ENO2: variants seen among roughly 807,000 people sequenced by gnomAD.
The protein encoded by ENO2 is gamma-enolase.
A neutral mutation model predicts 48.7 loss-of-function variants in ENO2; 19 were observed. That is an observed-to-expected ratio of 0.39 (90% CI 0.27 to 0.57). ENO2 has a LOEUF of 0.57. Among genes scored for constraint, ENO2 ranks in the 20% least tolerant of loss-of-function variants. The probability of loss-of-function intolerance (pLI) is 0.58; values close to 1 mark genes in which losing one functional copy is unlikely to be tolerated. For missense variants in ENO2, 416 were observed against 555.0 expected, an observed-to-expected ratio of 0.75 and a Z score of 2.52; for synonymous variants, 198 against 213.4, an observed-to-expected ratio of 0.93 and a Z score of 0.63.
At chr12:6,918,750 G>A (rs1416220950) in intron 7 of ENO2, among the ~76,000 whole-genome samples, 1 of 151,016 alleles carries the variant, frequency 6.6e-6, no homozygotes, top group African/African-American at 2.4e-5. Context: ...GGGAGGCTGA[G>A]GCGGGTGGAT....
chr12:6,921,699 T>G lies in ENO2; in HGVS notation c.984T>G (p.Ile328Met). ...DDLTVTNPKR[I>M]ERAVEEKACN... ...TGACAGTGACCAACCCAAAACGTAT[T>G]GAGCGGGCAGTGGAAGAAAAGGCCT... Residue 328 changes from isoleucine (I) to methionine (M), a missense_variant, in exon 9 of 12, where the codon ATT (isoleucine) becomes ATG (methionine). Transcript: ENST00000229277. The G allele has an allele frequency of 6.2e-7, 1 of 1,614,158 alleles. No homozygotes were observed. Among genetic ancestry groups the G allele is most frequent in the Non-Finnish European group, 8.5e-7 (1 of 1,180,034 alleles).
In ENO2 at chr12:6,914,701, CT is replaced by C. The variant is rs1189431090; in HGVS notation, c.-13+44del. ...GCCCAGAGCCCCTGTGGCCCCCTCCCTTCGCCGCGGCGCCCCTGCCTCCTTT... is the reference window on the plus strand; with the variant it reads ...GCCCAGAGCCCCTGTGGCCCCCTCCCTCGCCGCGGCGCCCCTGCCTCCTTT... On this transcript the variant is annotated intron_variant, in intron 1 of 11. Transcript: ENST00000229277. This position sits in a 1 kb window ranked among gnomAD's most constrained non-coding sequence, Gnocchi z 7.1. 2 of 155,160 alleles carry C rather than the reference CT, an allele frequency of 1.3e-5. No individual in the cohort carries two copies. The highest frequency in any genetic ancestry group is 2.9e-5 in the Non-Finnish European group (2 of 69,574). 9.6% of individuals were successfully genotyped at this position (155,160 alleles called of 1,614,324 possible). A position where few individuals can be genotyped will look rare whatever the true frequency, so the allele number is the denominator to read the frequency against.
At chr12:6,919,870 A>T in intron 8 of ENO2, 107 bp downstream of exon 8, 1 of 1,229,172 alleles carries the variant, frequency 8.1e-7, no homozygotes, top group South Asian at 1.4e-5. Context: ...GGGGTGTCCT[A>T]AGAAGAACCT....
intron 1 of ENO2, chr12:6,915,558 C>G: frequency 1.1e-5 from 5 of 460,474 alleles, no homozygotes; most frequent in East Asian, 7.5e-5. Context: ...CTGCAGTGTT[C>G]TCCCATCTCA....
intron 1 of ENO2, chr12:6,915,587 C>T (rs1283424457): frequency 1.9e-6 from 1 of 531,694 alleles, no homozygotes; most frequent in South Asian, 2.2e-5. Context: ...TCTTACCCCG[C>T]CCCCCACTGC....
At chr12:6,919,265 C>T (rs1945319107) in intron 7 of ENO2, among the ~76,000 whole-genome samples, 1 of 152,202 alleles carries the variant, frequency 6.6e-6, no homozygotes, top group South Asian at 2.1e-4. Flanking sequence ...TCTTACTTCT[C>T]TCTGGAAATA....
rs1256149059 is a variant in ENO2, at chr12:6,923,563, C to G, written c.*763C>G. On this transcript the variant is annotated 3_prime_UTR_variant, in exon 12 of 12. Transcript: ENST00000229277. ...TGGGGGAGTTTTCCTCTATACATCTCTCCCCAACCCTAGGTTCCCTGTTCT... is the reference window on the plus strand; with the variant it reads ...TGGGGGAGTTTTCCTCTATACATCTGTCCCCAACCCTAGGTTCCCTGTTCT... The G allele has an allele frequency of 6.6e-6, 1 of 152,262 alleles. No individual in the cohort carries two copies. The highest frequency in any genetic ancestry group is 6.5e-5 in the Admixed American group (1 of 15,278). The allele number at this position is 152,262 out of a possible 1,614,324, so 9.4% of individuals were successfully genotyped here.
intron 7 of ENO2, among the ~76,000 whole-genome samples, chr12:6,918,708 G>A (rs1218520670): frequency 6.6e-6 from 1 of 151,070 alleles, no homozygotes; most frequent in Non-Finnish European, 1.5e-5. Context: ...AAGGCCGGGC[G>A]CGGTGGCTCA....
At position 6,916,557 on chromosome 12, in the gene ENO2, A is replaced by G; in HGVS notation, c.181+45A>G. On this transcript the variant is annotated intron_variant, in intron 3 of 11. Transcript: ENST00000229277. This position sits in a 1 kb window ranked among gnomAD's most constrained non-coding sequence, Gnocchi z 4.5. ...CCAGACTCTCCCCCACCTCAGCCTT[A>G]TGCCCCTACCTCACACCAGTCCCCA... 1 of 1,612,640 alleles carries G rather than the reference A, an allele frequency of 6.2e-7. No individual in the cohort carries two copies. Among genetic ancestry groups the G allele is most frequent in the Non-Finnish European group, 8.5e-7 (1 of 1,178,984 alleles).
chr12:6,916,471 T>C lies in ENO2; in HGVS notation c.140T>C (p.Leu47Pro), dbSNP rs782498815. 1 of 1,614,110 alleles carries C rather than the reference T, an allele frequency of 6.2e-7. No homozygotes were observed. Among genetic ancestry groups the C allele is most frequent in the Admixed American group, 1.7e-5 (1 of 60,004 alleles). ...GCCTCTACGGGCATCTATGAGGCCC[T>C]GGAGCTGAGGGATGGAGACAAACAG... ...SGASTGIYEALELRDGDKQRY... is the reference protein window; with the variant it reads ...SGASTGIYEAPELRDGDKQRY... The change falls in exon 3 of 12, where the codon CTG becomes CCG. Residue 47 changes from leucine (L) to proline (P), a missense_variant. Transcript: ENST00000229277. This position sits in a 1 kb window ranked among gnomAD's most constrained non-coding sequence, Gnocchi z 4.5.
intron 5 of ENO2, 178 bp from the exon 6 acceptor site, chr12:6,917,400 TCCC>T: frequency 1.2e-6 from 1 of 867,068 alleles, no homozygotes; most frequent in Non-Finnish European, 1.7e-6. Flanking sequence ...AATCTCCTCC[TCCC>T]CACCCATTCC....
In ENO2 at chr12:6,921,947, C is replaced by G. The variant is rs1227517137; in HGVS notation, c.1068-109C>G. The stretch of plus-strand genomic sequence containing the variant: ...CCCTCCACCCCTGATTCTCTGCTCC[C>G]CTCCCAGATAGCTTTCCCCTAGATG... On this transcript the variant is annotated intron_variant, in intron 9 of 11. Coordinates refer to ENST00000229277, the MANE Select transcript of ENO2 (RefSeq NM_001975.3). 3 of 1,530,616 alleles carry G rather than the reference C, an allele frequency of 2.0e-6. No individual in the cohort carries two copies. The Admixed American group carries it at 5.1e-5, about 26-fold the overall frequency. The allele number at this position is 1,530,616 out of a possible 1,614,324, so 94.8% of individuals were successfully genotyped here. A position where few individuals can be genotyped will look rare whatever the true frequency, so the allele number is the denominator to read the frequency against.
intron 5 of ENO2, 22 bp downstream of exon 5, chr12:6,917,129 G>A (rs1555141684): frequency 6.2e-7 from 1 of 1,613,850 alleles, no homozygotes; most frequent in Middle Eastern, 1.6e-4. Flanking sequence ...CCGGGAGAAA[G>A]TGGGGAAGCG....
chr12:6,921,501 T>C (rs1207255578), intron 8 of ENO2, 80 bp from the exon 9 acceptor site: 4 of 1,437,368 alleles, frequency 2.8e-6, no homozygotes, highest in African/African-American at 1.4e-5. Flanking sequence ...TTTCAGGGAA[T>C]AAAGGGGCAT....
In ENO2 at chr12:6,916,948, C is replaced by A; in HGVS notation, c.241-90C>A. The A allele has an allele frequency of 6.3e-7, 1 of 1,575,770 alleles. No homozygotes were observed. The highest frequency in any genetic ancestry group is 1.1e-5 in the South Asian group (1 of 89,990). ...CACAGGGACCTGGTTGGACCCTGGC[C>A]AAATGTGAGCTTGGGTGTGAATGAG... On this transcript the variant is annotated intron_variant, in intron 4 of 11. Coordinates refer to ENST00000229277, the MANE Select transcript of ENO2 (RefSeq NM_001975.3). The surrounding 1 kb of genome is among the most constrained non-coding windows in gnomAD (Gnocchi z 4.5).
chr12:6,914,686 C>T lies in ENO2; in HGVS notation c.-13+27C>T, dbSNP rs1375166295. 6.4e-6 allele frequency: 1 copy of T among 155,682 alleles called. No homozygotes were observed. The highest frequency in any genetic ancestry group is 1.4e-5 in the Non-Finnish European group (1 of 69,956). The allele number at this position is 155,682 out of a possible 1,614,324, so 9.6% of individuals were successfully genotyped here. On this transcript the variant is annotated intron_variant, in intron 1 of 11. Coordinates refer to ENST00000229277, the MANE Select transcript of ENO2 (RefSeq NM_001975.3). The surrounding 1 kb of genome is among the most constrained non-coding windows in gnomAD (Gnocchi z 7.1). ...TGAAGCCCCCGCCAGGCCCAGAGCC[C>T]CTGTGGCCCCCTCCCTTCGCCGCGG...
In ENO2 at chr12:6,922,290, C is replaced by T; in HGVS notation, c.1177-54C>T. 1 of 1,613,696 alleles carries T rather than the reference C, an allele frequency of 6.2e-7. No individual in the cohort carries two copies. Among genetic ancestry groups the T allele is most frequent in the East Asian group, 2.2e-5 (1 of 44,876 alleles). ...GGAGTTTCAGGAGAGCAGAAGTTTC[C>T]TTTCAGGGGTGAGAGGGCAGTCACT... On this transcript the variant is annotated intron_variant, in intron 10 of 11. Coordinates refer to ENST00000229277, the MANE Select transcript of ENO2 (RefSeq NM_001975.3). This position sits in a 1 kb window ranked among gnomAD's most constrained non-coding sequence, Gnocchi z 5.3.
In ENO2 at chr12:6,917,724, A is replaced by T; in HGVS notation, c.444+10A>T. On this transcript the variant is annotated intron_variant, in intron 6 of 11. Transcript: ENST00000229277. The stretch of plus-strand genomic sequence containing the variant: ...CATCCTGCCTGTGCCGGTGAGCAAT[A>T]AGCCAGCCTGCGGCTCTCCCAGGGG... The T allele has an allele frequency of 7.0e-7, 1 of 1,423,358 alleles. No individual in the cohort carries two copies. Among genetic ancestry groups the T allele is most frequent in the Non-Finnish European group, 9.2e-7 (1 of 1,087,116 alleles). The allele number at this position is 1,423,358 out of a possible 1,614,324, so 88.2% of individuals were successfully genotyped here.
chr12:6,921,390 C>CA (rs59941048), intron 8 of ENO2, 191 bp from the exon 9 acceptor site: 68,241 of 484,784 alleles, frequency 0.14, 598 homozygotes, highest in East Asian at 0.28. Context: ...GAGGCTCTGT[C>CA]AAAAAAAAAA....
Sources: allele counts gnomAD v4.1 joint callset (sites outside exome capture counted in the v4.1 genomes callset), GRCh38; gene constraint gnomAD v4.1.1; non-coding constraint Gnocchi (gnomAD v3.1); transcripts MANE v1.5; gene names NCBI Gene and HGNC (gene_info 2026-07-23, HGNC 2026-07-21).